BICD1: variants seen among roughly 807,000 people sequenced by gnomAD.
BICD1 encodes the protein BICD cargo adaptor 1.
A neutral mutation model predicts 92.5 loss-of-function variants in BICD1; 35 were observed. That is an observed-to-expected ratio of 0.38 (90% CI 0.29 to 0.50). The LOEUF is 0.50. Ranked by LOEUF, BICD1 falls within the 20% of genes least tolerant of loss-of-function variation. The pLI is 0.93. For synonymous variants in BICD1, 429 were observed against 465.1 expected (o/e 0.92, Z 1.00); for missense variants, 950 against 1,189.8 (o/e 0.80, Z 2.97).
chr12:32,128,661 A>G lies in BICD1; in HGVS notation c.213+21117A>G, dbSNP rs116792444. On this transcript the variant is annotated intron_variant, in intron 1 of 9. Coordinates refer to ENST00000652176, the MANE Select transcript of BICD1 (RefSeq NM_001714.4). Reference sequence around the variant, plus strand: ...TTAGTTTTAAACCAAAATTTTTCCTATATGTTTATAGTTTATATTTTCAAG... The same window carrying G: ...TTAGTTTTAAACCAAAATTTTTCCTGTATGTTTATAGTTTATATTTTCAAG... 3.4e-3 allele frequency among the ~76,000 whole-genome samples: 522 copies of G among 152,220 alleles called. 6 individuals carry two copies. Among genetic ancestry groups the G allele is most frequent in the African/African-American group, 0.012 (497 of 41,546 alleles).
intron 2 of BICD1, among the ~76,000 whole-genome samples, chr12:32,221,352 T>TAAAA (rs750415659): frequency 0.033 from 4,835 of 145,774 alleles, 235 homozygotes; most frequent in East Asian, 0.23. Context: ...TCACAAAAAA[T>TAAAA]AAAAAAATAA....
At chr12:32,170,867 A>C (rs933079625) in intron 1 of BICD1, among the ~76,000 whole-genome samples, 1 of 152,210 alleles carries the variant, frequency 6.6e-6, no homozygotes, top group Admixed American at 6.5e-5. Flanking sequence ...GACAGTGTAC[A>C]GGACAGCCCC....
At chr12:32,302,959 G>A (rs1948101864) in intron 3 of BICD1, among the ~76,000 whole-genome samples, 1 of 138,104 alleles carries the variant, frequency 7.2e-6, no homozygotes, top group Admixed American at 7.7e-5. Context: ...CTCAAGACAG[G>A]GCCTCACTCT....
At position 32,208,912 on chromosome 12, in the gene BICD1, C is replaced by T. The variant is rs142655812; in HGVS notation, c.214-7335C>T. Among the ~76,000 whole-genome samples, 814 of 152,106 alleles carry T rather than the reference C, an allele frequency of 5.4e-3. 3 individuals carry two copies. Among genetic ancestry groups the T allele is most frequent in the Middle Eastern group, 0.017 (5 of 294 alleles). ...CAATCTCAGCTCACTGCAACCCTGC[C>T]TCCTGGGTTCAAGCGATTCTCCTGC... On this transcript the variant is annotated intron_variant, in intron 1 of 9. Transcript: ENST00000652176.
chr12:32,175,604 C>T (rs1437659737), intron 1 of BICD1, among the ~76,000 whole-genome samples: 1 of 152,176 alleles, frequency 6.6e-6, no homozygotes, highest in Non-Finnish European at 1.5e-5. Flanking sequence ...AGGCATGAGC[C>T]ACCAATCCCA....
At chr12:32,173,108 C>G (rs1943995221) in intron 1 of BICD1, among the ~76,000 whole-genome samples, 1 of 151,836 alleles carries the variant, frequency 6.6e-6, no homozygotes, top group Non-Finnish European at 1.5e-5. Flanking sequence ...AGTGCAGTGG[C>G]ACGATCGTGG....
chr12:32,178,892 C>A (rs1436070194), intron 1 of BICD1, among the ~76,000 whole-genome samples: 3 of 151,920 alleles, frequency 2.0e-5, no homozygotes, highest in African/African-American at 7.2e-5. Context: ...GGCATCATTT[C>A]ATGGTGGAGG....
At chr12:32,126,708 G>A (rs1354225491) in intron 1 of BICD1, among the ~76,000 whole-genome samples, 1 of 151,956 alleles carries the variant, frequency 6.6e-6, no homozygotes, top group Non-Finnish European at 1.5e-5. Flanking sequence ...AGTGAGCCGA[G>A]ATCAGATCAC....
At position 32,337,234 on chromosome 12, in the gene BICD1, G is replaced by A. The variant is rs1938168673; in HGVS notation, c.2253-265G>A. Among the ~76,000 whole-genome samples the A allele has an allele frequency of 6.6e-6, 1 of 152,138 alleles. No homozygotes were observed. The highest frequency in any genetic ancestry group is 1.5e-5 in the Non-Finnish European group (1 of 68,040). ...TGCACTCCAGCCTGGGCGATACAGC[G>A]AGACTCAGTCTCAAAAAACAAATAA... is the stretch of plus-strand genomic sequence containing the variant. On this transcript the variant is annotated intron_variant, in intron 6 of 9. Transcript: ENST00000652176. This position sits in a 1 kb window ranked among gnomAD's most constrained non-coding sequence, Gnocchi z 4.7.
chr12:32,307,580 C>T (rs1316843446), intron 4 of BICD1, among the ~76,000 whole-genome samples: 2 of 152,114 alleles, frequency 1.3e-5, no homozygotes, highest in African/African-American at 4.8e-5. Flanking sequence ...CTTATCTCTC[C>T]AAGGTTCTTC....
chr12:32,377,201 C>T (rs541935340), intron 9 of BICD1, among the ~76,000 whole-genome samples: 1 of 152,258 alleles, frequency 6.6e-6, no homozygotes, highest in African/African-American at 2.4e-5. Flanking sequence ...TGAAATCTTA[C>T]AGCTAACACA....
intron 2 of BICD1, among the ~76,000 whole-genome samples, chr12:32,281,815 C>T (rs763242639): frequency 6.6e-6 from 1 of 152,082 alleles, no homozygotes; most frequent in African/African-American, 2.4e-5. Context: ...AGGTCACCAC[C>T]AATCCAATCC....
intron 2 of BICD1, among the ~76,000 whole-genome samples, chr12:32,268,920 A>G (rs1475727379): frequency 2.0e-5 from 3 of 152,208 alleles, no homozygotes; most frequent in Non-Finnish European, 4.4e-5. Flanking sequence ...TGTTTTCTGG[A>G]TGAGCTTCAA....
At position 32,106,982 on chromosome 12, in the gene BICD1, A is replaced by T. The variant is rs1941490961; in HGVS notation, c.-350A>T. The T allele has an allele frequency of 3.7e-6, 1 of 268,380 alleles. No individual in the cohort carries two copies. Among genetic ancestry groups the T allele is most frequent in the Non-Finnish European group, 7.1e-6 (1 of 140,710 alleles). The allele number at this position is 268,380 out of a possible 1,614,324, so 16.6% of individuals were successfully genotyped here. ...GAGACATGGCGGACGGGCGTCTCTG[A>T]ATAAGCAGAATCCGGAGCCCCTCGC... On this transcript the variant is annotated 5_prime_UTR_variant, in exon 1 of 10. The change abolishes the stop of an existing upstream ORF in the 5' untranslated region. Coordinates refer to ENST00000652176, the MANE Select transcript of BICD1 (RefSeq NM_001714.4).
Position 32,381,823 on chromosome 12 carries a change from C to T in BICD1, c.*4196C>T, listed in dbSNP as rs1940189666. ...TCACAATTTTAAAAAGGTTGCCCTC[C>T]AGTTTTTTTGTTTGTTTATAAACTA... is the stretch of plus-strand genomic sequence containing the variant. On this transcript the variant is annotated 3_prime_UTR_variant, in exon 10 of 10. Coordinates refer to ENST00000652176, the MANE Select transcript of BICD1 (RefSeq NM_001714.4). 6.6e-6 allele frequency: 1 copy of T among 152,032 alleles called. No individual in the cohort carries two copies. Among genetic ancestry groups the T allele is most frequent in the Admixed American group, 6.6e-5 (1 of 15,242 alleles). The allele number at this position is 152,032 out of a possible 1,614,324, so 9.4% of individuals were successfully genotyped here. A position where few individuals can be genotyped will look rare whatever the true frequency, so the allele number is the denominator to read the frequency against.
At chr12:32,158,251 G>A (rs1472918273) in intron 1 of BICD1, among the ~76,000 whole-genome samples, 7 of 151,758 alleles carry the variant, frequency 4.6e-5, no homozygotes, top group African/African-American at 1.7e-4. Context: ...GATTACAGGC[G>A]CCCACCCCCA....
At chr12:32,206,758 G>T (rs999300682) in intron 1 of BICD1, among the ~76,000 whole-genome samples, 4 of 152,122 alleles carry the variant, frequency 2.6e-5, no homozygotes, top group Admixed American at 6.5e-5. Flanking sequence ...CAAGAGAATG[G>T]ATTATTAATA....
chr12:32,339,179 C>T, intron 8 of BICD1, 200 bp downstream of exon 8: 1 of 1,295,722 alleles, frequency 7.7e-7, no homozygotes, highest in Non-Finnish European at 9.7e-7. Flanking sequence ...GACAGACTTC[C>T]ATTTAACAGC....
chr12:32,202,741 G>A (rs550224919), intron 1 of BICD1, among the ~76,000 whole-genome samples: 88 of 152,198 alleles, frequency 5.8e-4, no homozygotes, highest in African/African-American at 2.0e-3. Flanking sequence ...CTCCCAAGTA[G>A]CTGGAACTAC....
Sources: allele counts gnomAD v4.1 joint callset (sites outside exome capture counted in the v4.1 genomes callset), GRCh38; gene constraint gnomAD v4.1.1; non-coding constraint Gnocchi (gnomAD v3.1); transcripts MANE v1.5; gene names NCBI Gene and HGNC (gene_info 2026-07-23, HGNC 2026-07-21).